ENOPH1: variants seen among roughly 807,000 people sequenced by gnomAD.
ENOPH1 encodes enolase-phosphatase E1.
ENOPH1 carries 14 observed loss-of-function variants against 31.1 expected under a neutral mutation model. The ratio of observed to expected loss-of-function variants is 0.45; its 90% CI spans 0.30 to 0.70. The LOEUF (loss-of-function observed/expected upper bound fraction) is 0.70. ENOPH1 is among the 30% of genes least tolerant of loss of function. The probability of loss-of-function intolerance (pLI) is 0.09; values close to 1 mark genes in which losing one functional copy is unlikely to be tolerated. For synonymous variants in ENOPH1, 127 were observed against 123.2 expected, an observed-to-expected ratio of 1.03 and a Z score of -0.21; for missense variants, 243 against 321.5, an observed-to-expected ratio of 0.76 and a Z score of 1.87.
At chr4:82,441,558 C>T (rs1395737221) in intron 1 of ENOPH1, among the ~76,000 whole-genome samples, 1 of 152,124 alleles carries the variant, frequency 6.6e-6, no homozygotes, top group African/African-American at 2.4e-5. Context: ...GACGTGAACC[C>T]GGGAGGCAGA....
intron 5 of ENOPH1, among the ~76,000 whole-genome samples, chr4:82,459,354 G>A (rs1339236491): frequency 1.3e-5 from 2 of 152,076 alleles, no homozygotes; most frequent in African/African-American, 2.4e-5. Context: ...GCAGTAGTGC[G>A]ATCTCGGCTT....
chr4:82,459,977 A>G lies in ENOPH1; in HGVS notation c.647-4A>G. The G allele has an allele frequency of 6.2e-7, 1 of 1,613,060 alleles. No individual in the cohort carries two copies. The highest frequency in any genetic ancestry group is 8.5e-7 in the Non-Finnish European group (1 of 1,179,694). On this transcript the variant is annotated splice_region_variant and splice_polypyrimidine_tract_variant and intron_variant, in intron 5 of 5. Coordinates refer to ENST00000273920, the MANE Select transcript of ENOPH1 (RefSeq NM_021204.5). ...ACACACACACATCCTTTGATTTTTC[A>G]CAGAGGCCAGTGCTGCTGAGGAAGC...
intron 1 of ENOPH1, among the ~76,000 whole-genome samples, chr4:82,440,991 G>C (rs1485850696): frequency 1.3e-5 from 2 of 152,190 alleles, no homozygotes; most frequent in Admixed American, 6.5e-5. Flanking sequence ...GAAACTTCTT[G>C]ATAGCTCCTA....
At chr4:82,431,980 A>T (rs997102687) in intron 1 of ENOPH1, among the ~76,000 whole-genome samples, 1 of 151,276 alleles carries the variant, frequency 6.6e-6, no homozygotes, top group Non-Finnish European at 1.5e-5. Context: ...GAGTGGTGCA[A>T]TCACAGCTCA....
chr4:82,438,663 C>T (rs143729920), intron 1 of ENOPH1, among the ~76,000 whole-genome samples: 131 of 152,004 alleles, frequency 8.6e-4, no homozygotes, highest in African/African-American at 3.0e-3. Context: ...GTGGCGTGAT[C>T]GAAAAAATAA....
intron 1 of ENOPH1, among the ~76,000 whole-genome samples, chr4:82,439,536 C>G (rs1721989856): frequency 6.6e-6 from 1 of 152,026 alleles, no homozygotes; most frequent in African/African-American, 2.4e-5. Flanking sequence ...ATCTTTACCC[C>G]CGATCTGATA....
intron 5 of ENOPH1, among the ~76,000 whole-genome samples, chr4:82,457,305 G>A (rs1417720188): frequency 6.6e-6 from 1 of 151,982 alleles, no homozygotes; most frequent in Non-Finnish European, 1.5e-5. Flanking sequence ...GAACCCAGGA[G>A]TTCGACACTA....
chr4:82,445,378 C>G (rs1462652680), intron 1 of ENOPH1, among the ~76,000 whole-genome samples: 1 of 152,190 alleles, frequency 6.6e-6, no homozygotes, highest in East Asian at 1.9e-4. Flanking sequence ...TTGATTATTT[C>G]ATGTACATAC....
At chr4:82,449,347 A>G (rs188864392) in intron 2 of ENOPH1, among the ~76,000 whole-genome samples, 8 of 152,360 alleles carry the variant, frequency 5.3e-5, no homozygotes, top group Non-Finnish European at 1.0e-4. Flanking sequence ...GTAAAGAAAT[A>G]CCTGAGAGTG....
chr4:82,455,013 C>T (rs967643840), intron 4 of ENOPH1, among the ~76,000 whole-genome samples, 159 bp downstream of exon 4: 22 of 151,174 alleles, frequency 1.5e-4, no homozygotes, highest in African/African-American at 4.6e-4. Flanking sequence ...ATTGTATTTA[C>T]AGTTTCTTCT....
At chr4:82,438,973 G>C (rs1721975139) in intron 1 of ENOPH1, among the ~76,000 whole-genome samples, 1 of 152,108 alleles carries the variant, frequency 6.6e-6, no homozygotes, top group South Asian at 2.1e-4. Flanking sequence ...TTTGTTGGAG[G>C]TGCAGGTCAG....
intron 1 of ENOPH1, among the ~76,000 whole-genome samples, chr4:82,434,344 G>A (rs1721851800): frequency 6.6e-6 from 1 of 152,184 alleles, no homozygotes; most frequent in Admixed American, 6.5e-5. Context: ...AGCACTTTGG[G>A]ACGCCGAAGC....
At chr4:82,436,394 T>G (rs1330745740) in intron 1 of ENOPH1, among the ~76,000 whole-genome samples, 2 of 152,092 alleles carry the variant, frequency 1.3e-5, no homozygotes, top group East Asian at 1.9e-4. Flanking sequence ...AAGAGGTGGA[T>G]GGAGGCTAGC....
At chr4:82,454,070 TG>T (rs1161228036) in intron 3 of ENOPH1, among the ~76,000 whole-genome samples, 33 of 138,610 alleles carry the variant, frequency 2.4e-4, no homozygotes, top group African/African-American at 8.3e-4. Context: ...AAAAAAAAGC[TG>T]GGGGTGGTAG....
In ENOPH1 at chr4:82,454,849, C is replaced by A. The variant is rs1158269600; in HGVS notation, c.517C>A (p.Leu173Ile). ...CGGGCATTCTACGGAGGGAGATATT[C>A]TTGAGGTAGGTTACCTAGTTTACTT... ...LFGHSTEGDI[L>I]ELVDGHFDTK... Residue 173 changes from leucine to isoleucine, a missense_variant, in exon 4 of 6, where the codon CTT becomes ATT. Leu to Ile is a conservative substitution (Grantham distance 5). Transcript: ENST00000273920. 9.9e-6 allele frequency: 16 copies of A among 1,611,246 alleles called. No individual in the cohort carries two copies. Among genetic ancestry groups the A allele is most frequent in the Non-Finnish European group, 1.2e-5 (14 of 1,179,322 alleles).
chr4:82,433,805 T>TA lies in ENOPH1; in HGVS notation c.84+2892_84+2893insA, dbSNP rs1234300961. Among the ~76,000 whole-genome samples, 3 of 152,330 alleles carry TA rather than the reference T, an allele frequency of 2.0e-5. No individual in the cohort carries two copies. In the South Asian group the frequency reaches 6.2e-4, roughly 32 times the overall value. Reference sequence around the variant, plus strand: ...ACAAATCTACTTGAACAAAAAACTTTTAGTAGAGTATCTCAGTGACTAATC... The same window carrying TA: ...ACAAATCTACTTGAACAAAAAACTTTATAGTAGAGTATCTCAGTGACTAATC... On this transcript the variant is annotated intron_variant, in intron 1 of 5. Transcript: ENST00000273920.
At position 82,442,137 on chromosome 4, in the gene ENOPH1, T is replaced by G. The variant is rs117644164; in HGVS notation, c.85-5783T>G. 8.0e-4 allele frequency among the ~76,000 whole-genome samples: 122 copies of G among 152,366 alleles called. 2 individuals are homozygous for G. The East Asian group carries it at 0.021, about 26-fold the overall frequency. On this transcript the variant is annotated intron_variant, in intron 1 of 5. Transcript: ENST00000273920. ...TCATTCTGCCTCAGATAACTAGCTCTTCTTGTCCATTGCATGTAATTTCCC... is the reference window on the plus strand; with the variant it reads ...TCATTCTGCCTCAGATAACTAGCTCGTCTTGTCCATTGCATGTAATTTCCC...
rs1009531777 is a variant in ENOPH1, at chr4:82,461,118, C to T, written c.*998C>T. On this transcript the variant is annotated 3_prime_UTR_variant, in exon 6 of 6. Transcript: ENST00000273920. ...TTTTATATAGGTTCCTGAACTCTATCCACATGCCGCCATAGCAAAAGAGAA... is the reference window on the plus strand; with the variant it reads ...TTTTATATAGGTTCCTGAACTCTATTCACATGCCGCCATAGCAAAAGAGAA... 2 of 152,134 alleles carry T rather than the reference C, an allele frequency of 1.3e-5. No individual in the cohort carries two copies. Among genetic ancestry groups the T allele is most frequent in the African/African-American group, 4.8e-5 (2 of 41,422 alleles). The allele number at this position is 152,134 out of a possible 1,614,324, so 9.4% of individuals were successfully genotyped here.
intron 4 of ENOPH1, among the ~76,000 whole-genome samples, chr4:82,456,263 C>T (rs1722489691): frequency 7.0e-6 from 1 of 143,260 alleles, no homozygotes; most frequent in South Asian, 2.2e-4. Flanking sequence ...AGTTTGAGTG[C>T]TTACTATGCT....
Sources: allele counts gnomAD v4.1 joint callset (sites outside exome capture counted in the v4.1 genomes callset), GRCh38; gene constraint gnomAD v4.1.1; transcripts MANE v1.5; gene names NCBI Gene and HGNC (gene_info 2026-07-23, HGNC 2026-07-21).